FAN1: variants seen among roughly 807,000 people sequenced by gnomAD.
FAN1 encodes the protein fanconi-associated nuclease 1.
In FAN1, 91 loss-of-function variants were observed where a neutral mutation model predicts 104.9. The observed-to-expected ratio is 0.87, with a 90% confidence interval of 0.73 to 1.03. The LOEUF is 1.03. FAN1 is among the 50% of genes least tolerant of loss of function. The pLI is 0.00. For missense variants in FAN1, 1,263 were observed against 1,239.9 expected, an observed-to-expected ratio of 1.02 and a Z score of -0.28; for synonymous variants, 478 against 457.6, an observed-to-expected ratio of 1.04 and a Z score of -0.57.
chr15:30,913,380 C>T (rs1022098489), intron 4 of FAN1, among the ~76,000 whole-genome samples: 3 of 152,176 alleles, frequency 2.0e-5, no homozygotes, highest in South Asian at 2.1e-4. Flanking sequence ...TTGACTGCTG[C>T]GCTAGAGAAC....
At chr15:30,917,995 C>G (rs2062230037) in intron 5 of FAN1, among the ~76,000 whole-genome samples, 169 bp from the exon 6 acceptor site, 1 of 152,098 alleles carries the variant, frequency 6.6e-6, no homozygotes, top group African/African-American at 2.4e-5. Flanking sequence ...AGTTCTGGGC[C>G]ACTCCAGTGA....
chr15:30,908,375 G>GT, intron 3 of FAN1, 117 bp downstream of exon 3: 1 of 769,308 alleles, frequency 1.3e-6, no homozygotes, highest in East Asian at 2.9e-5. Flanking sequence ...GTAACTTACT[G>GT]TTTTTTAATT....
At chr15:30,922,658 C>T (rs563605778) in intron 8 of FAN1, among the ~76,000 whole-genome samples, 6 of 152,296 alleles carry the variant, frequency 3.9e-5, no homozygotes, top group African/African-American at 1.4e-4. Context: ...AGTCAGATGA[C>T]TCAGCCGTCA....
In FAN1 at chr15:30,925,939, G is replaced by C. The variant is rs2062451346; in HGVS notation, c.2488G>C (p.Gly830Arg). 3 of 1,613,936 alleles carry C rather than the reference G, an allele frequency of 1.9e-6. No homozygotes were observed. Among genetic ancestry groups the C allele is most frequent in the Non-Finnish European group, 2.5e-6 (3 of 1,179,964 alleles). The stretch of plus-strand genomic sequence containing the variant: ...TTACAGACGCAGCGGTTTTGACCAG[G>C]GTAACTGAGCAGGCTTTCTCTTGTG... ...AHYRRSGFDQ[G>R]IHGEGSTFST... The change falls in exon 10 of 15, where the codon GGG (glycine) becomes CGG (arginine). Residue 830 changes from glycine (G) to arginine (R), a missense_variant and splice_region_variant. Around this residue, in one of 2 missense-constraint regions of FAN1, gnomAD observed 581 missense variants for 668.8 expected, o/e 0.87. Coordinates refer to ENST00000362065, the MANE Select transcript of FAN1 (RefSeq NM_014967.5).
chr15:30,911,626 A>T (rs1268837300), intron 4 of FAN1: 4 of 937,006 alleles, frequency 4.3e-6, no homozygotes, highest in Non-Finnish European at 5.1e-6. Flanking sequence ...ACATACTTGT[A>T]ATTAATTGAC....
chr15:30,928,167 G>C, intron 10 of FAN1: 4 of 1,013,424 alleles, frequency 3.9e-6, no homozygotes, highest in Non-Finnish European at 4.7e-6. Context: ...ATCAGGGCCT[G>C]CATGGGGATT....
At position 30,904,681 on chromosome 15, in the gene FAN1, ACCT is replaced by A. The variant is rs767783867; in HGVS notation, c.22_24del (p.Pro8del). ...TAATACTCATGATGTCAGAAGGGAA[ACCT>A]CCTGACAAAAAAAGGCCTCGTAGAA... On this transcript the variant is annotated inframe_deletion, in exon 2 of 15. Coordinates refer to ENST00000362065, the MANE Select transcript of FAN1 (RefSeq NM_014967.5). The A allele has an allele frequency of 6.2e-6, 10 of 1,604,580 alleles. No individual in the cohort carries two copies. The South Asian group carries it at 1.0e-4, about 16-fold the overall frequency.
chr15:30,940,871 A>C (rs980005123), intron 14 of FAN1: 2 of 1,010,118 alleles, frequency 2.0e-6, no homozygotes, highest in Admixed American at 5.5e-5. Flanking sequence ...TTAACAGTGC[A>C]TATCATTTTA....
Position 30,942,424 on chromosome 15 carries a change from C to G in FAN1, c.*862C>G, listed in dbSNP as rs1199166792. The stretch of plus-strand genomic sequence containing the variant: ...AAACTGAACAGAGGCAGTCAGGAGG[C>G]CAAATGTCTGATTCTTTGTTCTGTA... On this transcript the variant is annotated 3_prime_UTR_variant, in exon 15 of 15. Transcript: ENST00000362065. 6.2e-6 allele frequency: 2 copies of G among 324,288 alleles called. No individual in the cohort carries two copies. Among genetic ancestry groups the G allele is most frequent in the African/African-American group, 4.2e-5 (2 of 47,098 alleles). 20.1% of individuals were successfully genotyped at this position (324,288 alleles called of 1,614,324 possible). A position where few individuals can be genotyped will look rare whatever the true frequency, so the allele number is the denominator to read the frequency against.
In FAN1 at chr15:30,905,181, A is replaced by G. The variant is rs1023630555; in HGVS notation, c.518A>G (p.Asp173Gly). The G allele has an allele frequency of 2.5e-6, 4 of 1,613,764 alleles. No homozygotes were observed. In the Admixed American group the frequency reaches 6.7e-5, roughly 27 times the overall value. Reference protein sequence around the residue: ...YVKAKKSIDKDEEFAGSSPQS... With the variant: ...YVKAKKSIDKGEEFAGSSPQS... ...AAGGCTAAAAAATCAATAGATAAGG[A>G]TGAAGAATTTGCCGGTTCTAGTCCA... is the stretch of plus-strand genomic sequence containing the variant. The change falls in exon 2 of 15, where the codon GAT (aspartate) becomes GGT (glycine). Residue 173 changes from aspartate (D) to glycine (G), a missense_variant. Asp to Gly is a moderately conservative substitution (Grantham distance 94). Transcript: ENST00000362065.
In FAN1 at chr15:30,905,543, G is replaced by A; in HGVS notation, c.880G>A (p.Glu294Lys). 1.2e-6 allele frequency: 2 copies of A among 1,613,888 alleles called. No individual in the cohort carries two copies. The highest frequency in any genetic ancestry group is 1.3e-5 in the African/African-American group (1 of 75,042). The change falls in exon 2 of 15, where the codon GAA becomes AAA. Residue 294 changes from glutamate (E) to lysine (K), a missense_variant. Glu to Lys is a moderately conservative substitution (Grantham distance 56). This residue lies in a region of FAN1 where 682 missense variants were observed against 571.1 expected (regional missense o/e 1.19). Coordinates refer to ENST00000362065, the MANE Select transcript of FAN1 (RefSeq NM_014967.5). ...GCAAGAGTGTATCAAAGAAGTGGTT[G>A]AAAAACGTGAGGCATGTCATTGTGA... ...VKQECIKEVV[E>K]KREACHCEEV...
chr15:30,928,506 T>TTGTATGTG, intron 10 of FAN1, 47 bp from the exon 11 acceptor site: 1 of 1,483,544 alleles, frequency 6.7e-7, no homozygotes, highest in Non-Finnish European at 9.0e-7. Context: ...AAAACAGATT[T>TTGTATGTG]TGTGTGTGTG....
chr15:30,922,780 CTA>C (rs1217996060), intron 8 of FAN1, among the ~76,000 whole-genome samples: 1 of 152,248 alleles, frequency 6.6e-6, no homozygotes, highest in Non-Finnish European at 1.5e-5. Flanking sequence ...GTTCCTTTCC[CTA>C]TCTTATTGCA....
intron 5 of FAN1, among the ~76,000 whole-genome samples, chr15:30,916,203 C>G (rs535158518): frequency 6.6e-6 from 1 of 152,142 alleles, no homozygotes; most frequent in Non-Finnish European, 1.5e-5. Flanking sequence ...TGGCTTTACG[C>G]TTTTCTGGCT....
intron 4 of FAN1, chr15:30,911,458 A>G: frequency 1.0e-6 from 1 of 983,598 alleles, no homozygotes. Flanking sequence ...TGTTTTGTAT[A>G]TTTCAGTTGT....
intron 11 of FAN1, 41 bp downstream of exon 11, chr15:30,928,697 C>T: frequency 6.2e-7 from 1 of 1,612,494 alleles, no homozygotes; most frequent in Non-Finnish European, 8.5e-7. Context: ...TCCTTCTGCA[C>T]ACATCCGTGG....
chr15:30,933,011 C>T (rs2955794), intron 13 of FAN1, among the ~76,000 whole-genome samples: 62,782 of 151,758 alleles, frequency 0.41, 14,309 homozygotes, highest in East Asian at 0.85. Context: ...TGAGCCACCG[C>T]ACACGGCCAT....
rs374895181 is a variant in FAN1 at position 30,908,147 on chromosome 15, T to A, written c.1264T>A (p.Phe422Ile). The change falls in exon 3 of 15, where the codon TTT (phenylalanine) becomes ATT (isoleucine). Residue 422 changes from phenylalanine to isoleucine, a missense_variant. Transcript: ENST00000362065. ...TGGTCAGAAGTTATATGTAAGGCTC[T>A]TTCAACGTAAATTAAGCTGGATTAA... The part of the protein sequence containing the change: ...ATGQKLYVRL[F>I]QRKLSWIKMT... The A allele has an allele frequency of 1.2e-6, 2 of 1,611,126 alleles. No homozygotes were observed. Among genetic ancestry groups the A allele is most frequent in the Middle Eastern group, 1.7e-4 (1 of 6,058 alleles).
chr15:30,941,952 G>C lies in FAN1; in HGVS notation c.*390G>C. Reference sequence around the variant, plus strand: ...TCACTGTTCTGGCTGTCGGTTTGCTGAGCTGGATCTGGCTTTGGTTTTAAT... The same window carrying C: ...TCACTGTTCTGGCTGTCGGTTTGCTCAGCTGGATCTGGCTTTGGTTTTAAT... On this transcript the variant is annotated 3_prime_UTR_variant, in exon 15 of 15. Transcript: ENST00000362065. The C allele has an allele frequency of 6.2e-7, 1 of 1,614,016 alleles. No individual in the cohort carries two copies.
Sources: allele counts gnomAD v4.1 joint callset (sites outside exome capture counted in the v4.1 genomes callset), GRCh38; gene constraint gnomAD v4.1.1; regional missense constraint gnomAD v4.1.1; transcripts MANE v1.5; gene names NCBI Gene and HGNC (gene_info 2026-07-23, HGNC 2026-07-21).